Variants in LOC128125816 observed in about 807,000 individuals in gnomAD.
At chr12:122,226,430 T>C in the LOC128125816 span, 2 of 683,842 alleles carry the variant, frequency 2.9e-6, no homozygotes, top group Non-Finnish European at 5.2e-6. Flanking sequence ...GACGGCGCTG[T>C]CACTTCAGCA....
the LOC128125816 span, chr12:122,226,445 G>A: frequency 4.3e-6 from 3 of 698,830 alleles, no homozygotes; most frequent in Non-Finnish European, 7.8e-6. Flanking sequence ...TCAGCACCAG[G>A]AAGTAAGTGG....
At chr12:122,226,490 C>T in the LOC128125816 span, 1 of 699,252 alleles carries the variant, frequency 1.4e-6, no homozygotes, top group Non-Finnish European at 2.6e-6. Flanking sequence ...CGATGAGCAC[C>T]GTGTAGCTGA....
chr12:122,226,518 A>C, the LOC128125816 span: 2 of 699,214 alleles, frequency 2.9e-6, no homozygotes, highest in Non-Finnish European at 5.2e-6. Context: ...GAAGGCGAGC[A>C]GCTCCCGCAG....
At chr12:122,226,462 C>T in the LOC128125816 span, 1 of 697,308 alleles carries the variant, frequency 1.4e-6, no homozygotes, top group Non-Finnish European at 2.6e-6. Context: ...GTGGTCCAGC[C>T]GGCCAGCAGC....
chr12:122,226,504 G>T, the LOC128125816 span: 1 of 698,910 alleles, frequency 1.4e-6, no homozygotes, highest in East Asian at 2.7e-5. Context: ...TAGCTGAGGA[G>T]CACGAAGGCG....
the LOC128125816 span, chr12:122,226,502 G>C: frequency 2.9e-6 from 2 of 698,984 alleles, no homozygotes; most frequent in African/African-American, 1.8e-5. Flanking sequence ...TGTAGCTGAG[G>C]AGCACGAAGG....
chr12:122,226,465 CCAG>C, the LOC128125816 span: 1 of 699,218 alleles, frequency 1.4e-6, no homozygotes, highest in Non-Finnish European at 2.6e-6. Flanking sequence ...GTCCAGCCGG[CCAG>C]CAGCAGCGCC....
At chr12:122,226,496 G>A in the LOC128125816 span, 4 of 699,298 alleles carry the variant, frequency 5.7e-6, no homozygotes, top group Non-Finnish European at 5.2e-6. Context: ...GCACCGTGTA[G>A]CTGAGGAGCA....
the LOC128125816 span, chr12:122,226,513 C>T: frequency 2.9e-6 from 2 of 699,248 alleles, no homozygotes; most frequent in African/African-American, 3.5e-5. Flanking sequence ...AGCACGAAGG[C>T]GAGCAGCTCC....
chr12:122,226,542 T>A, the LOC128125816 span: 2 of 698,538 alleles, frequency 2.9e-6, no homozygotes, highest in African/African-American at 3.5e-5. Flanking sequence ...CTGCAGCACG[T>A]GGACGGTGGA....
chr12:122,226,471 G>A, the LOC128125816 span: 3 of 698,640 alleles, frequency 4.3e-6, no homozygotes, highest in East Asian at 2.7e-5. Context: ...CCGGCCAGCA[G>A]CAGCGCCCCG....
the LOC128125816 span, chr12:122,226,492 T>C: frequency 4.3e-6 from 3 of 698,654 alleles, no homozygotes; most frequent in Non-Finnish European, 7.8e-6. Flanking sequence ...ATGAGCACCG[T>C]GTAGCTGAGG....
At chr12:122,226,464 G>A in the LOC128125816 span, 2 of 698,350 alleles carry the variant, frequency 2.9e-6, no homozygotes, top group Admixed American at 2.0e-5. Flanking sequence ...GGTCCAGCCG[G>A]CCAGCAGCAG....
At chr12:122,226,480 C>G in the LOC128125816 span, 9 of 698,612 alleles carry the variant, frequency 1.3e-5, no homozygotes, top group African/African-American at 5.3e-5. Flanking sequence ...AGCAGCGCCC[C>G]GATGAGCACC....
chr12:122,226,550 G>A, the LOC128125816 span: 2 of 698,496 alleles, frequency 2.9e-6, no homozygotes, highest in Admixed American at 4.0e-5. Flanking sequence ...CGTGGACGGT[G>A]GACGAGGCCG....
the LOC128125816 span, chr12:122,226,517 C>T: frequency 2.1e-5 from 15 of 699,072 alleles, no homozygotes; most frequent in African/African-American, 2.5e-4. Flanking sequence ...CGAAGGCGAG[C>T]AGCTCCCGCA....
At chr12:122,226,547 G>A in the LOC128125816 span, 1 of 698,564 alleles carries the variant, frequency 1.4e-6, no homozygotes, top group Non-Finnish European at 2.6e-6. Flanking sequence ...GCACGTGGAC[G>A]GTGGACGAGG....
chr12:122,226,492 T>A, the LOC128125816 span: 1 of 698,768 alleles, frequency 1.4e-6, no homozygotes, highest in Non-Finnish European at 2.6e-6. Context: ...ATGAGCACCG[T>A]GTAGCTGAGG....
chr12:122,226,478 C>T, the LOC128125816 span: 1 of 698,886 alleles, frequency 1.4e-6, no homozygotes, highest in African/African-American at 1.8e-5. Context: ...GCAGCAGCGC[C>T]CCGATGAGCA....
Sources: gnomAD v4.1 joint callset for allele counts on GRCh38, gnomAD v4.1.1 for gene constraint, MANE v1.5 for transcripts.